The following TECPR2 variants were observed in gnomAD, a reference collection of about 807,000 sequenced individuals.
TECPR2 encodes tectonin beta-propeller repeat containing 2, also known as tectonin beta-propeller repeat-containing protein 2.
In TECPR2, 65 loss-of-function variants were observed where a neutral mutation model predicts 138.1. The observed-to-expected ratio is 0.47, with a 90% CI of 0.39 to 0.58. The LOEUF is 0.58. TECPR2 is among the 20% of genes least tolerant of loss of function. The pLI, the probability that TECPR2 is intolerant of heterozygous loss-of-function variation, is 0.00. For missense variants in TECPR2, 1,553 were observed against 1,824.5 expected (o/e 0.85, Z 2.71); for synonymous variants, 746 against 749.8 (o/e 0.99, Z 0.08).
At position 102,434,263 on chromosome 14, in the gene TECPR2, C is replaced by T. The variant is rs1420174597; in HGVS notation, c.1446C>T (p.Ser482=). The change falls in exon 9 of 20, where the codon AGC becomes AGT. Residue 482 remains serine, a synonymous_variant. Transcript: ENST00000359520. ...TEGGSRSTCH[S]SLESTPCSEF... ...GTGGAAGCAGGAGCACCTGTCACAGCTCCCTGGAATCGACACCCTGCTCCG... is the reference window on the plus strand; with the variant it reads ...GTGGAAGCAGGAGCACCTGTCACAGTTCCCTGGAATCGACACCCTGCTCCG... The T allele has an allele frequency of 7.2e-7, 1 of 1,379,898 alleles. No individual in the cohort carries two copies. Among genetic ancestry groups the T allele is most frequent in the African/African-American group, 1.4e-5 (1 of 69,102 alleles). 85.5% of individuals were successfully genotyped at this position (1,379,898 alleles called of 1,614,324 possible). A position where few individuals can be genotyped will look rare whatever the true frequency, so the allele number is the denominator to read the frequency against.
chr14:102,368,960 G>T (rs1438264077), intron 1 of TECPR2, among the ~76,000 whole-genome samples: 3 of 152,260 alleles, frequency 2.0e-5, no homozygotes, highest in South Asian at 2.1e-4. Context: ...CAACACTTTT[G>T]ATTCAAAATG....
intron 17 of TECPR2, among the ~76,000 whole-genome samples, chr14:102,488,491 C>A (rs933315113): frequency 6.6e-6 from 1 of 151,948 alleles, no homozygotes; most frequent in Non-Finnish European, 1.5e-5. Context: ...AGGCGCCCCC[C>A]ACCACGTCCG....
intron 4 of TECPR2, among the ~76,000 whole-genome samples, chr14:102,413,518 A>G: frequency 6.6e-6 from 1 of 151,874 alleles, no homozygotes; most frequent in Admixed American, 6.6e-5. Flanking sequence ...AGCTGGGATT[A>G]CAGGCATGTG....
In TECPR2 at chr14:102,500,816, A is replaced by C. The variant is rs897917197; in HGVS notation, c.*2559A>C. 6.6e-6 allele frequency: 1 copy of C among 152,248 alleles called. No homozygotes were observed. Among genetic ancestry groups the C allele is most frequent in the African/African-American group, 2.4e-5 (1 of 41,454 alleles). The allele number at this position is 152,248 out of a possible 1,614,324, so 9.4% of individuals were successfully genotyped here. A position where few individuals can be genotyped will look rare whatever the true frequency, so the allele number is the denominator to read the frequency against. ...TTGTTGGGGCAGGCAGGGAGGAATAATGTTAGTACCCACAAATGCCCATGA... is the reference window on the plus strand; with the variant it reads ...TTGTTGGGGCAGGCAGGGAGGAATACTGTTAGTACCCACAAATGCCCATGA... On this transcript the variant is annotated 3_prime_UTR_variant, in exon 20 of 20. Coordinates refer to ENST00000359520, the MANE Select transcript of TECPR2 (RefSeq NM_014844.5).
chr14:102,365,106 G>A (rs923311245), intron 1 of TECPR2, among the ~76,000 whole-genome samples: 38 of 152,328 alleles, frequency 2.5e-4, no homozygotes, highest in Non-Finnish European at 5.1e-4. Context: ...TCATACTTGG[G>A]TGAATCTAGC....
rs540882931 is a variant in TECPR2, at chr14:102,419,744, G to T, written c.638+4951G>T. Among the ~76,000 whole-genome samples, 1 of 152,176 alleles carries T rather than the reference G, an allele frequency of 6.6e-6. No homozygotes were observed. Among genetic ancestry groups the T allele is most frequent in the Non-Finnish European group, 1.5e-5 (1 of 68,024 alleles). On this transcript the variant is annotated intron_variant, in intron 5 of 19. Transcript: ENST00000359520. This position sits in a 1 kb window ranked among gnomAD's most constrained non-coding sequence, Gnocchi z 4.8. ...TCAGAGGCCCTAGCCATCTGCAACC[G>T]TGGGTTTGCTGTCCTGTGTATTTAT...
intron 17 of TECPR2, among the ~76,000 whole-genome samples, chr14:102,475,220 A>G (rs75948213): frequency 0.042 from 6,370 of 152,314 alleles, 161 homozygotes; most frequent in Middle Eastern, 0.092. Context: ...GTAGGAGTGT[A>G]GCAGGCAGGC....
chr14:102,408,149 G>C (rs1888714784), intron 3 of TECPR2, among the ~76,000 whole-genome samples: 1 of 151,666 alleles, frequency 6.6e-6, no homozygotes, highest in Admixed American at 6.6e-5. Context: ...ACTCCAGCCT[G>C]ACGGAGCGAG....
chr14:102,490,237 G>A (rs780015857), intron 17 of TECPR2, among the ~76,000 whole-genome samples: 6 of 152,144 alleles, frequency 3.9e-5, no homozygotes, highest in African/African-American at 1.2e-4. Flanking sequence ...GTAAGAAATC[G>A]GTTTGCTCCA....
rs369079351 is a variant in TECPR2, at chr14:102,449,756, C to G, written c.3203C>G (p.Ala1068Gly). 2 of 1,614,128 alleles carry G rather than the reference C, an allele frequency of 1.2e-6. No homozygotes were observed. The highest frequency in any genetic ancestry group is 1.1e-5 in the South Asian group (1 of 91,080). The change falls in exon 14 of 20, where the codon GCG becomes GGG. Residue 1068 changes from alanine (A) to glycine (G), a missense_variant. Coordinates refer to ENST00000359520, the MANE Select transcript of TECPR2 (RefSeq NM_014844.5). Reference sequence around the variant, plus strand: ...AAGGTGGCAGATAAGCTGCGCATGGCGTTTTGGTCCCAGCAGCTTCAGTGC... The same window carrying G: ...AAGGTGGCAGATAAGCTGCGCATGGGGTTTTGGTCCCAGCAGCTTCAGTGC... ...VEKVADKLRM[A>G]FWSQQLQCQP...
At chr14:102,370,531 G>T (rs1294241373) in intron 1 of TECPR2, among the ~76,000 whole-genome samples, 1 of 152,214 alleles carries the variant, frequency 6.6e-6, no homozygotes, top group Non-Finnish European at 1.5e-5. Context: ...GGACGTGAGA[G>T]GCCAGGCCTG....
At position 102,497,648 on chromosome 14, in the gene TECPR2, A is replaced by G; in HGVS notation, c.4010A>G (p.Tyr1337Cys). 1 of 1,609,172 alleles carries G rather than the reference A, an allele frequency of 6.2e-7. No individual in the cohort carries two copies. The highest frequency in any genetic ancestry group is 8.5e-7 in the Non-Finnish European group (1 of 1,178,458). The change falls in exon 19 of 20, where the codon TAC (tyrosine) becomes TGC (cysteine). Residue 1337 changes from tyrosine (Y) to cysteine (C), a missense_variant. Coordinates refer to ENST00000359520, the MANE Select transcript of TECPR2 (RefSeq NM_014844.5). ...CCAAACGGAGACCTCGCCCGGCGGTACGGCGTCACAGACAAGAACCCCGCC... is the reference window on the plus strand; with the variant it reads ...CCAAACGGAGACCTCGCCCGGCGGTGCGGCGTCACAGACAAGAACCCCGCC... ...RCPNGDLARR[Y>C]GVTDKNPAGD... is the part of the protein sequence containing the mutation.
intron 17 of TECPR2, among the ~76,000 whole-genome samples, chr14:102,489,347 G>A (rs527368577): frequency 1.8e-4 from 28 of 152,032 alleles, no homozygotes; most frequent in African/African-American, 6.0e-4. Flanking sequence ...GGCTGGGCGC[G>A]GTGGCTCACA....
chr14:102,488,078 A>T (rs886123368), intron 17 of TECPR2, among the ~76,000 whole-genome samples: 1 of 141,996 alleles, frequency 7.0e-6, no homozygotes, highest in Non-Finnish European at 1.5e-5. Flanking sequence ...TCCGGACCTC[A>T]GGTGATACGC....
intron 8 of TECPR2, among the ~76,000 whole-genome samples, chr14:102,433,633 G>A (rs901599602): frequency 6.6e-6 from 1 of 151,930 alleles, no homozygotes; most frequent in Non-Finnish European, 1.5e-5. Flanking sequence ...CAATTCTCCT[G>A]CCTCAGCCTC....
chr14:102,425,372 TCAGAATGCTAC>T, intron 6 of TECPR2, 81 bp downstream of exon 6: 1 of 1,405,438 alleles, frequency 7.1e-7, no homozygotes, highest in South Asian at 1.6e-5. Context: ...CTCAGGGACC[TCAGAATGCTAC>T]CAGGAGCAGT....
intron 9 of TECPR2, among the ~76,000 whole-genome samples, chr14:102,436,119 T>C (rs4906199): frequency 0.26 from 39,563 of 152,020 alleles, 5,739 homozygotes; most frequent in Middle Eastern, 0.4. Context: ...TAGGCACTCT[T>C]CTTGTCCCCA....
At chr14:102,488,449 TCTGCCTCAGCCTC>T (rs1891086310) in intron 17 of TECPR2, among the ~76,000 whole-genome samples, 1 of 151,030 alleles carries the variant, frequency 6.6e-6, no homozygotes, top group African/African-American at 2.4e-5. Context: ...AAGCAATTCT[TCTGCCTCAGCCTC>T]CTGAGTAGGT....
At position 102,407,445 on chromosome 14, in the gene TECPR2, A is replaced by G. The variant is rs2139693401; in HGVS notation, c.327A>G (p.Ser109=). ...GRVAVFQLVS[S]LPGRNKQLRR... The stretch of plus-strand genomic sequence containing the variant: ...TTGCAGTTTTTCAACTTGTATCTTC[A>G]TTGCCAGGGAGAAATAAACAGGTGA... Residue 109 remains serine, a synonymous_variant, in exon 3 of 20, where the codon TCA becomes TCG. Transcript: ENST00000359520. 6.2e-7 allele frequency: 1 copy of G among 1,613,102 alleles called. No homozygotes were observed. The highest frequency in any genetic ancestry group is 1.1e-5 in the South Asian group (1 of 90,868).
Sources: gnomAD v4.1 joint callset for allele counts (sites outside exome capture counted in the v4.1 genomes callset) on GRCh38, gnomAD v4.1.1 for gene constraint, Gnocchi (gnomAD v3.1) non-coding constraint, MANE v1.5 for transcripts, NCBI Gene and HGNC (gene_info 2026-07-23, HGNC 2026-07-21) for gene names.